Variants in FAM170A observed in about 807,000 individuals in gnomAD.
FAM170A encodes the protein protein FAM170A.
In FAM170A, 28 loss-of-function variants were observed where a neutral mutation model predicts 36.6. The ratio of observed to expected loss-of-function variants is 0.76; its 90% CI spans 0.57 to 1.05. FAM170A has a LOEUF of 1.05. Among genes scored for constraint, FAM170A ranks in the 50% least tolerant of loss-of-function variants. The probability of loss-of-function intolerance (pLI) is 0.00; values close to 1 mark genes in which losing one functional copy is unlikely to be tolerated. For missense variants in FAM170A, 434 were observed against 396.5 expected (o/e 1.09, Z -0.80); for synonymous variants, 156 against 143.9 (o/e 1.08, Z -0.60).
At chr5:119,631,122 T>C (rs1756240937) in intron 1 of FAM170A, among the ~76,000 whole-genome samples, 1 of 152,170 alleles carries the variant, frequency 6.6e-6, no homozygotes, top group African/African-American at 2.4e-5. Context: ...TGGCATGTAT[T>C]AAATGTAAAC....
exon 3 of FAM170A, chr5:119,634,518 G>A (rs1756335677): frequency 1.9e-6 from 3 of 1,613,580 alleles, no homozygotes; most frequent in Non-Finnish European, 2.5e-6. Context: ...GGCTTCAGCT[G>A]CCACGTCTTT....
exon 3 of FAM170A, chr5:119,634,300 C>G: frequency 6.2e-7 from 1 of 1,614,184 alleles, no homozygotes; most frequent in Non-Finnish European, 8.5e-7. Context: ...TCCTGTCTGA[C>G]AGTGAGCCCA....
At chr5:119,631,120 A>T (rs149550791) in intron 1 of FAM170A, among the ~76,000 whole-genome samples, 1 of 152,208 alleles carries the variant, frequency 6.6e-6, no homozygotes, top group African/African-American at 2.4e-5. Context: ...AATGGCATGT[A>T]TTAAATGTAA....
chr5:119,634,895 C>A (rs998314323), intron 3 of FAM170A, 133 bp from the exon 4 acceptor site: 2 of 1,289,988 alleles, frequency 1.6e-6, no homozygotes, highest in Admixed American at 3.9e-5. Flanking sequence ...CTGCTTCTTG[C>A]CTAGGCATCT....
chr5:119,632,962 T>C, intron 2 of FAM170A, 74 bp downstream of exon 2: 1 of 1,447,268 alleles, frequency 6.9e-7, no homozygotes, highest in Admixed American at 2.1e-5. Flanking sequence ...TATTTGAGTG[T>C]GGGGCTCTGT....
exon 1 of FAM170A, chr5:119,629,619 C>G: frequency 1.7e-6 from 1 of 605,758 alleles, no homozygotes; most frequent in Non-Finnish European, 3.0e-6. Flanking sequence ...ACTAAGCGGT[C>G]TGAGTTCTTT....
At chr5:119,630,855 C>G (rs918181470) in intron 1 of FAM170A, among the ~76,000 whole-genome samples, 6 of 152,176 alleles carry the variant, frequency 3.9e-5, no homozygotes, top group Non-Finnish European at 7.3e-5. Context: ...TTAGCAGAAA[C>G]GAGAGTAGCC....
rs1756321540 is a variant in FAM170A at position 119,634,154 on chromosome 5, A to C, written c.406A>C (p.Asn136His). The C allele has an allele frequency of 4.3e-6, 7 of 1,614,206 alleles. No homozygotes were observed. The East Asian group carries it at 1.6e-4, about 36-fold the overall frequency. The stretch of plus-strand genomic sequence containing the variant: ...AATATACTACATGCAGGTACAAATG[A>C]ACAAAGGTGTGGCTGTCTCCTGGGA... The change falls in exon 3 of 5, where the codon AAC becomes CAC. Residue 136 changes from asparagine (N) to histidine (H), a missense_variant. Physicochemically the swap from Asn to His is moderately conservative, Grantham distance 68. Coordinates refer to ENST00000613773, the Ensembl canonical transcript of FAM170A.
In FAM170A at chr5:119,634,737, G is replaced by A. The variant is rs992246771; in HGVS notation, c.986+3G>A. The A allele has an allele frequency of 1.3e-6, 2 of 1,531,150 alleles. No homozygotes were observed. 94.8% of individuals were successfully genotyped at this position (1,531,150 alleles called of 1,614,324 possible). A position where few individuals can be genotyped will look rare whatever the true frequency, so the allele number is the denominator to read the frequency against. The stretch of plus-strand genomic sequence containing the variant: ...TTTCATTCTCCAAAGGACAGGAAGT[G>A]AGCAAAGCCTGGGTTGTGGGTCTGC... On this transcript the variant is annotated splice_donor_region_variant and intron_variant, in intron 3 of 4. Coordinates refer to ENST00000613773, the Ensembl canonical transcript of FAM170A.
chr5:119,629,607 T>C, exon 1 of FAM170A: 1 of 559,948 alleles, frequency 1.8e-6, no homozygotes, highest in Admixed American at 2.7e-5. Flanking sequence ...TGCTGCTCCT[T>C]CACTAAGCGG....
exon 2 of FAM170A, chr5:119,632,862 C>G: frequency 6.2e-7 from 1 of 1,610,846 alleles, no homozygotes; most frequent in South Asian, 1.1e-5. Context: ...TCCTGCGTTT[C>G]TTCTTCACGC....
chr5:119,632,909 C>T (rs17469691), intron 2 of FAM170A, 21 bp downstream of exon 2: 88,422 of 1,557,706 alleles, frequency 0.057, 2,915 homozygotes, highest in Non-Finnish European at 0.066. Context: ...AGGGTTCCTT[C>T]GGCACGTGGC....
chr5:119,635,666 C>T (rs1389741387), intron 4 of FAM170A, 34 bp from the exon 5 acceptor site: 2 of 154,632 alleles, frequency 1.3e-5, no homozygotes, highest in Non-Finnish European at 2.9e-5. Context: ...CTTGCCTCTT[C>T]CTCTTCTGCC....
chr5:119,635,147 G>A, intron 4 of FAM170A, 61 bp downstream of exon 4: 1 of 1,249,812 alleles, frequency 8.0e-7, no homozygotes. Flanking sequence ...GGAATCCAAG[G>A]GAAGGAGCTG....
At chr5:119,632,805 G>T in exon 2 of FAM170A, 1 of 1,613,092 alleles carries the variant, frequency 6.2e-7, no homozygotes. Flanking sequence ...GTGGCCAAAG[G>T]CTGGAGCCAA....
chr5:119,629,605 C>G (rs1355973301), exon 1 of FAM170A: 1 of 553,790 alleles, frequency 1.8e-6, no homozygotes, highest in Admixed American at 2.8e-5. Context: ...AGTGCTGCTC[C>G]TTCACTAAGC....
chr5:119,632,514 G>A (rs1263849937), intron 1 of FAM170A, among the ~76,000 whole-genome samples: 1 of 152,070 alleles, frequency 6.6e-6, no homozygotes, highest in African/African-American at 2.4e-5. Flanking sequence ...TCACTCTTAC[G>A]CTTCAGACGT....
chr5:119,630,537 G>A (rs955394972), intron 1 of FAM170A, among the ~76,000 whole-genome samples: 6 of 152,136 alleles, frequency 3.9e-5, no homozygotes, highest in Admixed American at 3.3e-4. Context: ...GGGAGGGGAA[G>A]ACCTGGCTGT....
At chr5:119,635,633 G>A (rs1274397304) in intron 4 of FAM170A, 67 bp from the exon 5 acceptor site, 1 of 154,872 alleles carries the variant, frequency 6.5e-6, no homozygotes, top group Non-Finnish European at 1.5e-5. Flanking sequence ...AAGGGTAACT[G>A]ACTAGCAATG....
Sources: allele counts gnomAD v4.1 joint callset (sites outside exome capture counted in the v4.1 genomes callset), GRCh38; gene constraint gnomAD v4.1.1; transcripts MANE v1.5; gene names NCBI Gene and HGNC (gene_info 2026-07-23, HGNC 2026-07-21).